SBF2: variants seen among roughly 807,000 people sequenced by gnomAD.
SBF2 encodes the protein myotubularin-related protein 13.
In SBF2, 112 loss-of-function variants were observed where a neutral mutation model predicts 225.2. That is an observed-to-expected ratio of 0.50 (90% CI 0.43 to 0.58). The LOEUF is 0.58. Ranked by LOEUF, SBF2 falls within the 20% of genes least tolerant of loss-of-function variation. The pLI is 0.00. For missense variants in SBF2, 1,996 were observed against 2,206.2 expected (o/e 0.90, Z 1.91); for synonymous variants, 763 against 773.3 (o/e 0.99, Z 0.22).
intron 6 of SBF2, among the ~76,000 whole-genome samples, chr11:10,019,020 T>C (rs1948748513): frequency 1.3e-5 from 2 of 152,180 alleles, no homozygotes; most frequent in South Asian, 4.1e-4. Flanking sequence ...ATCTCTATTA[T>C]TGTGCTAATT....
intron 2 of SBF2, among the ~76,000 whole-genome samples, chr11:10,183,534 C>T (rs907174304): frequency 6.6e-6 from 1 of 151,692 alleles, no homozygotes; most frequent in African/African-American, 2.4e-5. Context: ...CTTTTAAAAA[C>T]TTTATAGTGT....
intron 8 of SBF2, among the ~76,000 whole-genome samples, chr11:10,000,156 A>G (rs897071016): frequency 2.6e-5 from 4 of 152,246 alleles, no homozygotes; most frequent in African/African-American, 9.6e-5. Flanking sequence ...TTCTATAGCC[A>G]CTTCATCCAC....
chr11:10,099,485 T>A (rs1952186137), intron 2 of SBF2, among the ~76,000 whole-genome samples: 1 of 152,152 alleles, frequency 6.6e-6, no homozygotes, highest in African/African-American at 2.4e-5. Context: ...GAAACAAAAC[T>A]ATTCTAATTA....
chr11:10,229,355 G>C (rs1394300902), intron 1 of SBF2, among the ~76,000 whole-genome samples: 1 of 152,082 alleles, frequency 6.6e-6, no homozygotes, highest in Non-Finnish European at 1.5e-5. Context: ...CCTTCTGCTA[G>C]CTTTTGAATG....
intron 17 of SBF2, among the ~76,000 whole-genome samples, chr11:9,873,752 A>C (rs560122356): frequency 5.3e-5 from 8 of 152,344 alleles, no homozygotes; most frequent in African/African-American, 1.9e-4. Flanking sequence ...AAGTCCCTTG[A>C]AAGAGCATAT....
At chr11:9,811,796 G>C (rs1854199966) in intron 30 of SBF2, among the ~76,000 whole-genome samples, 1 of 151,882 alleles carries the variant, frequency 6.6e-6, no homozygotes, top group Non-Finnish European at 1.5e-5. Flanking sequence ...TGGAGGCAGG[G>C]GACTGGGAAT....
At chr11:10,163,365 G>A (rs996951289) in intron 2 of SBF2, among the ~76,000 whole-genome samples, 6 of 152,102 alleles carry the variant, frequency 3.9e-5, no homozygotes, top group Admixed American at 1.3e-4. Context: ...GGCAAAGGTG[G>A]CCAAGTAAGG....
intron 16 of SBF2, among the ~76,000 whole-genome samples, chr11:9,937,659 C>T (rs1450257550): frequency 5.3e-5 from 8 of 151,682 alleles, no homozygotes; most frequent in Admixed American, 2.0e-4. Flanking sequence ...TGTATAAAAA[C>T]GGGCAAAAAA....
At chr11:9,800,643 G>A (rs922490450) in intron 32 of SBF2, among the ~76,000 whole-genome samples, 2 of 152,000 alleles carry the variant, frequency 1.3e-5, no homozygotes, top group African/African-American at 4.8e-5. Context: ...TCCTGACCTC[G>A]TGATCTGCCT....
chr11:10,086,219 CTTTT>C (rs1431586217), intron 2 of SBF2, among the ~76,000 whole-genome samples: 1 of 151,820 alleles, frequency 6.6e-6, no homozygotes, highest in African/African-American at 2.4e-5. Context: ...TCGGCCCTGC[CTTTT>C]TTATCTTTTC....
At chr11:10,144,348 G>C (rs1421787964) in intron 2 of SBF2, among the ~76,000 whole-genome samples, 1 of 152,058 alleles carries the variant, frequency 6.6e-6, no homozygotes, top group Non-Finnish European at 1.5e-5. Context: ...AATTAGCCAA[G>C]CTGGTGGTGT....
chr11:10,273,420 C>T (rs1293527428), intron 1 of SBF2, among the ~76,000 whole-genome samples: 1 of 152,098 alleles, frequency 6.6e-6, no homozygotes, highest in Non-Finnish European at 1.5e-5. Context: ...TAAAATCAAA[C>T]AGAAAAGACT....
chr11:9,894,653 C>T (rs1453043313), intron 17 of SBF2, among the ~76,000 whole-genome samples: 1 of 152,058 alleles, frequency 6.6e-6, no homozygotes, highest in Non-Finnish European at 1.5e-5. Flanking sequence ...CACTGCACTA[C>T]AGCCTGGGCA....
At chr11:10,075,799 G>C (rs1372845675) in intron 2 of SBF2, among the ~76,000 whole-genome samples, 2 of 152,128 alleles carry the variant, frequency 1.3e-5, no homozygotes, top group East Asian at 3.9e-4. Flanking sequence ...AGCAGTGTGA[G>C]AACAGACTAA....
At chr11:10,017,586 T>G (rs1235764674) in intron 6 of SBF2, among the ~76,000 whole-genome samples, 1 of 152,212 alleles carries the variant, frequency 6.6e-6, no homozygotes, top group Non-Finnish European at 1.5e-5. Flanking sequence ...GTTTACTATC[T>G]GTTACAAATT....
intron 13 of SBF2, among the ~76,000 whole-genome samples, chr11:9,982,968 A>G (rs1019250993): frequency 5.9e-5 from 9 of 152,164 alleles, no homozygotes; most frequent in Non-Finnish European, 1.0e-4. Context: ...CTGGCACCAC[A>G]GGGATCCCTC....
At chr11:10,086,034 C>A (rs562586851) in intron 2 of SBF2, among the ~76,000 whole-genome samples, 1 of 138,158 alleles carries the variant, frequency 7.2e-6, no homozygotes, top group Non-Finnish European at 1.5e-5. Flanking sequence ...CTGGCACACA[C>A]GTGCATGTGT....
chr11:10,075,078 T>A (rs1010178438), intron 2 of SBF2, among the ~76,000 whole-genome samples: 1 of 152,216 alleles, frequency 6.6e-6, no homozygotes, highest in Non-Finnish European at 1.5e-5. Flanking sequence ...GGATGGCAAT[T>A]TATCAGATAT....
At chr11:10,202,408 T>G (rs1957597460) in intron 1 of SBF2, among the ~76,000 whole-genome samples, 1 of 152,224 alleles carries the variant, frequency 6.6e-6, no homozygotes, top group Non-Finnish European at 1.5e-5. Context: ...AGTCTAGAAA[T>G]AAGCTCTGCA....
Sources: gnomAD v4.1 joint callset for allele counts (sites outside exome capture counted in the v4.1 genomes callset) on GRCh38, gnomAD v4.1.1 for gene constraint, MANE v1.5 for transcripts, NCBI Gene and HGNC (gene_info 2026-07-23, HGNC 2026-07-21) for gene names.